MGAT4B: variants seen among roughly 807,000 people sequenced by gnomAD.
MGAT4B encodes the protein alpha-1,3-mannosyl-glycoprotein 4-beta-N-acetylglucosaminyltransferase B, also known as N-acetylglucosaminyltransferase IVb.
In MGAT4B, 38 loss-of-function variants were observed where a neutral mutation model predicts 73.9. The observed-to-expected ratio is 0.51, with a 90% confidence interval of 0.40 to 0.67. The LOEUF (loss-of-function observed/expected upper bound fraction) is 0.67, where lower values mean the gene tolerates loss of function less well. Ranked by LOEUF, MGAT4B falls within the 30% of genes least tolerant of loss-of-function variation. The pLI, the probability that MGAT4B is intolerant of heterozygous loss-of-function variation, is 0.00. For missense variants in MGAT4B, 686 were observed against 735.2 expected, an observed-to-expected ratio of 0.93 and a Z score of 0.77; for synonymous variants, 373 against 313.5, an observed-to-expected ratio of 1.19 and a Z score of -2.01.
At position 179,804,907 on chromosome 5, in the gene MGAT4B, G is replaced by A. The variant is rs114418886; in HGVS notation, c.97+1580C>T. On this transcript the variant is annotated intron_variant, in intron 1 of 14. Coordinates refer to ENST00000292591, the MANE Select transcript of MGAT4B (RefSeq NM_014275.5). ...ACCACAGAAACAGTGACAGCCCCTC[G>A]ACAAGGGAGGCCTATGTCACCCCAT... is the stretch of plus-strand genomic sequence containing the variant. 4.7e-3 allele frequency: 715 copies of A among 152,276 alleles called. 4 individuals are homozygous for A. The highest frequency in any genetic ancestry group is 7.2e-3 in the Non-Finnish European group (487 of 68,038). 9.4% of individuals were successfully genotyped at this position (152,276 alleles called of 1,614,324 possible).
rs2113432040 is a variant in MGAT4B at position 179,801,339 on chromosome 5, C to T, written c.553G>A (p.Ala185Thr). 2 of 1,608,794 alleles carry T rather than the reference C, an allele frequency of 1.2e-6. No individual in the cohort carries two copies. Among genetic ancestry groups the T allele is most frequent in the Non-Finnish European group, 1.7e-6 (2 of 1,176,836 alleles). ...KEDSVIVVLI[A>T]ETDSQYTSAV... Reference sequence around the variant, plus strand: ...CCGCGTCCCGGCTCACTCGCCTCGGCGATCAGCACCACGATGACCGAGTCC... The same window carrying T: ...CCGCGTCCCGGCTCACTCGCCTCGGTGATCAGCACCACGATGACCGAGTCC... Residue 185 changes from alanine to threonine, a missense_variant, in exon 4 of 15, where the codon GCC becomes ACC. This residue lies in a region of MGAT4B where 449 missense variants were observed against 536.8 expected (regional missense o/e 0.84). Transcript: ENST00000292591. This position sits in a 1 kb window ranked among gnomAD's most constrained non-coding sequence, Gnocchi z 4.8.
chr5:179,806,550 GC>G lies in MGAT4B; in HGVS notation c.33del (p.Leu12CysfsTer82). 7.5e-7 allele frequency: 1 copy of G among 1,325,922 alleles called. No homozygotes were observed. Among genetic ancestry groups the G allele is most frequent in the Non-Finnish European group, 9.9e-7 (1 of 1,011,878 alleles). 82.1% of individuals were successfully genotyped at this position (1,325,922 alleles called of 1,614,324 possible). MRLRNGTFLTLLLFCLCAFLS... is the reference protein window; with the variant it reads MRLRNGTFLTXLLFCLCAFLS... The stretch of plus-strand genomic sequence containing the variant: ...AGGAAGGCGCACAGGCAGAAGAGCA[GC>G]AGCGTCAGGAAGGTGCCATTGCGGA... On this transcript the variant is annotated frameshift_variant, in exon 1 of 15. Transcript: ENST00000292591. LOFTEE classifies it high-confidence loss of function. The surrounding 1 kb of genome is among the most constrained non-coding windows in gnomAD (Gnocchi z 4.6).
In MGAT4B at chr5:179,800,021, C is replaced by T. The variant is rs759224930; in HGVS notation, c.843G>A (p.Lys281=). The stretch of plus-strand genomic sequence containing the variant: ...CTGAAGGCTGCTGCAGTGCAAAGTT[C>T]TTCATGGTGCTCAGGTAGTTGGGCT... ...VAKPNYLSTM[K]NFALQQPSED... is the part of the protein sequence containing the mutation. The change falls in exon 8 of 15, where the codon AAG becomes AAA. Residue 281 remains lysine, a synonymous_variant. Coordinates refer to ENST00000292591, the MANE Select transcript of MGAT4B (RefSeq NM_014275.5). 1 of 1,614,058 alleles carries T rather than the reference C, an allele frequency of 6.2e-7. No homozygotes were observed. The highest frequency in any genetic ancestry group is 1.1e-5 in the South Asian group (1 of 91,082).
rs1431780347 is a variant in MGAT4B at position 179,801,393 on chromosome 5, T to C, written c.499A>G (p.Ile167Val). Residue 167 changes from isoleucine to valine, a missense_variant, in exon 4 of 15, where the codon ATC becomes GTC. Ile to Val is a conservative substitution (Grantham distance 29). Coordinates refer to ENST00000292591, the MANE Select transcript of MGAT4B (RefSeq NM_014275.5). The surrounding 1 kb of genome is among the most constrained non-coding windows in gnomAD (Gnocchi z 4.8). ...TTCTCCTGCGGGCTCAGCTCGGAGA[T>C]GAGCGAGTGCAGAGTGTCAGTCAGG... ...SYLTDTLHSL[I>V]SELSPQEKED... 8 of 1,612,680 alleles carry C rather than the reference T, an allele frequency of 5.0e-6. No homozygotes were observed. The highest frequency in any genetic ancestry group is 2.2e-5 in the East Asian group (1 of 44,856).
intron 6 of MGAT4B, 87 bp from the exon 7 acceptor site, chr5:179,800,346 G>C (rs1454506434): frequency 6.6e-7 from 1 of 1,520,096 alleles, no homozygotes; most frequent in Non-Finnish European, 9.1e-7. Context: ...GGCAGCTTCT[G>C]TCCCCCCACC....
At position 179,799,961 on chromosome 5, in the gene MGAT4B, G is replaced by A. The variant is rs1433797348; in HGVS notation, c.903C>T (p.Gly301=). The A allele has an allele frequency of 1.2e-6, 2 of 1,613,458 alleles. No homozygotes were observed. The highest frequency in any genetic ancestry group is 1.7e-6 in the Non-Finnish European group (2 of 1,179,592). The part of the protein sequence containing the change: ...DWMILEFSQL[G]FIGKMFKSLD... ...GTAAGGGGAGGGGCACACCAATGAA[G>A]CCCAGCTGGGAGAACTCCAGGATCA... is the stretch of plus-strand genomic sequence containing the variant. Residue 301 remains glycine (G), a synonymous_variant, in exon 8 of 15, where the codon GGC becomes GGT. Transcript: ENST00000292591.
At position 179,798,814 on chromosome 5, in the gene MGAT4B, G is replaced by A. The variant is rs547106742; in HGVS notation, c.1343+114C>T. ...CCTCACAAGGTAGCTACCATTACGA[G>A]GCCCACTTCAGATGCGGAAACTGAA... On this transcript the variant is annotated intron_variant, in intron 11 of 14. Transcript: ENST00000292591. The A allele has an allele frequency of 5.4e-6, 7 of 1,294,440 alleles. No homozygotes were observed. In the East Asian group the frequency reaches 1.7e-4, roughly 32 times the overall value. The allele number at this position is 1,294,440 out of a possible 1,614,324, so 80.2% of individuals were successfully genotyped here. A position where few individuals can be genotyped will look rare whatever the true frequency, so the allele number is the denominator to read the frequency against.
intron 1 of MGAT4B, among the ~76,000 whole-genome samples, chr5:179,804,592 G>C (rs935015809): frequency 2.6e-5 from 4 of 152,170 alleles, no homozygotes; most frequent in African/African-American, 9.7e-5. Flanking sequence ...TCCTGGGCTT[G>C]ACCTTGCGTT....
intron 1 of MGAT4B, chr5:179,802,200 C>CG: frequency 6.7e-7 from 1 of 1,481,860 alleles, no homozygotes; most frequent in East Asian, 2.3e-5. Flanking sequence ...TCTCCCCCAC[C>CG]GGGGGTTATT....
At position 179,801,387 on chromosome 5, in the gene MGAT4B, C is replaced by CGG; in HGVS notation, c.503_504dup (p.Glu169ProfsTer3). On this transcript the variant is annotated frameshift_variant, in exon 4 of 15. Transcript: ENST00000292591. LOFTEE classifies it high-confidence loss of function. This position sits in a 1 kb window ranked among gnomAD's most constrained non-coding sequence, Gnocchi z 4.8. ...TCCTCCTTCTCCTGCGGGCTCAGCT[C>CGG]GGAGATGAGCGAGTGCAGAGTGTCA... 6.2e-7 allele frequency: 1 copy of CGG among 1,612,778 alleles called. No homozygotes were observed. The highest frequency in any genetic ancestry group is 8.5e-7 in the Non-Finnish European group (1 of 1,179,604).
chr5:179,802,438 C>T (rs2113436623), intron 1 of MGAT4B: 1 of 1,092,642 alleles, frequency 9.2e-7, no homozygotes, highest in Non-Finnish European at 1.1e-6. Flanking sequence ...TCACCCTGCA[C>T]TGGATTCTTA....
chr5:179,804,083 G>GAAGCCTCC, intron 1 of MGAT4B, among the ~76,000 whole-genome samples: 1 of 152,368 alleles, frequency 6.6e-6, no homozygotes. Context: ...ATGAGGCCTG[G>GAAGCCTCC]AGGCTGTGTC....
chr5:179,800,462 GGTATGGGGGAGTAACTA>G lies in MGAT4B; in HGVS notation c.719+5_719+21del. 6.5e-7 allele frequency: 1 copy of G among 1,540,990 alleles called. No individual in the cohort carries two copies. The highest frequency in any genetic ancestry group is 2.3e-5 in the East Asian group (1 of 43,838). Reference sequence around the variant, plus strand: ...CAGCACAGGCAGGCGGGTTGCTGAGGGTATGGGGGAGTAACTAGTACCTGACTCTCTCCTTGGGGTCC... The same window carrying G: ...CAGCACAGGCAGGCGGGTTGCTGAGGGTACCTGACTCTCTCCTTGGGGTCC... On this transcript the variant is annotated splice_donor_5th_base_variant and intron_variant, in intron 6 of 14. Coordinates refer to ENST00000292591, the MANE Select transcript of MGAT4B (RefSeq NM_014275.5).
intron 1 of MGAT4B, chr5:179,802,544 G>A (rs1756989943): frequency 2.0e-6 from 2 of 1,001,152 alleles, no homozygotes; most frequent in Non-Finnish European, 2.4e-6. Flanking sequence ...AACCGGCCCT[G>A]GGGCTGCTCA....
At position 179,800,970 on chromosome 5, in the gene MGAT4B, C is replaced by G; in HGVS notation, c.559-17G>C. 1 of 1,613,780 alleles carries G rather than the reference C, an allele frequency of 6.2e-7. No individual in the cohort carries two copies. The highest frequency in any genetic ancestry group is 8.5e-7 in the Non-Finnish European group (1 of 1,179,904). ...TGAGTCAGTCTGTGGGGAGACCAAGCACCCTCCCTTAGCCCTGCTGCTGCC... is the reference window on the plus strand; with the variant it reads ...TGAGTCAGTCTGTGGGGAGACCAAGGACCCTCCCTTAGCCCTGCTGCTGCC... On this transcript the variant is annotated splice_polypyrimidine_tract_variant and intron_variant, in intron 4 of 14. Coordinates refer to ENST00000292591, the MANE Select transcript of MGAT4B (RefSeq NM_014275.5).
rs1757179505 is a variant in MGAT4B, at chr5:179,806,721, G to A, written c.-138C>T. 6.2e-6 allele frequency: 1 copy of A among 161,110 alleles called. No homozygotes were observed. The highest frequency in any genetic ancestry group is 1.2e-5 in the Non-Finnish European group (1 of 80,294). 10.0% of individuals were successfully genotyped at this position (161,110 alleles called of 1,614,324 possible). ...CGGGTCGGGGAGGGGCGGGGGGCCC[G>A]GGGCCGGGCGGGGACCGGGCCAGGG... On this transcript the variant is annotated 5_prime_UTR_variant, in exon 1 of 15. Coordinates refer to ENST00000292591, the MANE Select transcript of MGAT4B (RefSeq NM_014275.5). The surrounding 1 kb of genome is among the most constrained non-coding windows in gnomAD (Gnocchi z 4.6).
rs140121897 is a variant in MGAT4B, at chr5:179,802,464, C to CG, written c.98-496dup. ...TGGATTCTTAGCCTCACGATGGCCC[C>CG]GGGGGGTGGCTGCTGCAGTTCCAGG... is the stretch of plus-strand genomic sequence containing the variant. On this transcript the variant is annotated intron_variant, in intron 1 of 14. Transcript: ENST00000292591. 2,866 of 1,042,084 alleles carry CG rather than the reference C, an allele frequency of 2.8e-3. 65 individuals are homozygous for CG. In the African/African-American group the frequency reaches 0.045, roughly 16 times the overall value. 64.6% of individuals were successfully genotyped at this position (1,042,084 alleles called of 1,614,324 possible).
chr5:179,799,665 G>C, intron 8 of MGAT4B, 29 bp from the exon 9 acceptor site: 12 of 1,612,970 alleles, frequency 7.4e-6, no homozygotes, highest in Non-Finnish European at 1.0e-5. Context: ...AGTGGGCAGT[G>C]CTGCTCTGCC....
chr5:179,798,686 G>GC, intron 11 of MGAT4B, 95 bp from the exon 12 acceptor site: 2 of 1,383,578 alleles, frequency 1.4e-6, no homozygotes, highest in South Asian at 1.2e-5. Context: ...CGCCAGGAGG[G>GC]CCCCCCAGGC....
Sources: allele counts gnomAD v4.1 joint callset (sites outside exome capture counted in the v4.1 genomes callset), GRCh38; gene constraint gnomAD v4.1.1; regional missense constraint gnomAD v4.1.1; non-coding constraint Gnocchi (gnomAD v3.1); transcripts MANE v1.5; gene names NCBI Gene and HGNC (gene_info 2026-07-23, HGNC 2026-07-21).